Variants in DENND1B observed in about 807,000 individuals in gnomAD.
DENND1B encodes the protein DENN domain containing 1B, also known as DENN domain-containing protein 1B.
A neutral mutation model predicts 90.1 loss-of-function variants in DENND1B; 59 were observed. That is an observed-to-expected ratio of 0.65 (90% CI 0.53 to 0.81). The LOEUF (loss-of-function observed/expected upper bound fraction) is 0.81, where lower values mean the gene tolerates loss of function less well. Ranked by LOEUF, DENND1B falls within the 40% of genes least tolerant of loss-of-function variation. DENND1B has a pLI of 0.00. For synonymous variants in DENND1B, 337 were observed against 324.6 expected (o/e 1.04, Z -0.41); for missense variants, 862 against 912.6 (o/e 0.94, Z 0.71).
chr1:197,587,599 G>A (rs1292933728), intron 14 of DENND1B, among the ~76,000 whole-genome samples: 2 of 152,084 alleles, frequency 1.3e-5, no homozygotes, highest in East Asian at 3.9e-4. Flanking sequence ...GAACTCTGGA[G>A]GTCGGGGACT....
At chr1:197,556,706 CCTT>C (rs1303886486) in intron 15 of DENND1B, among the ~76,000 whole-genome samples, 5 of 151,920 alleles carry the variant, frequency 3.3e-5, no homozygotes, top group Non-Finnish European at 7.4e-5. Context: ...GACTATTTCT[CCTT>C]CTGTAAAATG....
At chr1:197,760,363 T>C (rs1467914365) in intron 2 of DENND1B, among the ~76,000 whole-genome samples, 3 of 152,084 alleles carry the variant, frequency 2.0e-5, no homozygotes, top group Non-Finnish European at 2.9e-5. Context: ...AATCAAAAAA[T>C]TACTGGCCAG....
At chr1:197,774,770 G>A (rs969193340) in intron 1 of DENND1B, among the ~76,000 whole-genome samples, 4 of 152,222 alleles carry the variant, frequency 2.6e-5, no homozygotes, top group African/African-American at 9.6e-5. Flanking sequence ...CACGCACACA[G>A]GCAGCCCCAG....
chr1:197,660,415 C>A (rs976718242), intron 5 of DENND1B, among the ~76,000 whole-genome samples: 2 of 151,860 alleles, frequency 1.3e-5, no homozygotes, highest in African/African-American at 4.8e-5. Flanking sequence ...TCAATCTCAA[C>A]TATCATATAG....
chr1:197,542,312 C>T (rs1670392202), intron 18 of DENND1B, among the ~76,000 whole-genome samples: 2 of 151,828 alleles, frequency 1.3e-5, no homozygotes, highest in Admixed American at 6.6e-5. Flanking sequence ...GCATGAAAAG[C>T]ATAGGAAAAA....
At chr1:197,547,014 T>C (rs1214165039) in intron 16 of DENND1B, among the ~76,000 whole-genome samples, 1 of 152,220 alleles carries the variant, frequency 6.6e-6, no homozygotes, top group Non-Finnish European at 1.5e-5. Context: ...TACCTAATCT[T>C]TCCCATCAAC....
chr1:197,757,719 GAAAGTTAT>G (rs1290702930), intron 2 of DENND1B, among the ~76,000 whole-genome samples: 2 of 152,094 alleles, frequency 1.3e-5, no homozygotes, highest in African/African-American at 4.8e-5. Flanking sequence ...ATTCACTCAA[GAAAGTTAT>G]ACAGGAATTC....
chr1:197,633,219 G>T (rs1428015778), intron 10 of DENND1B, among the ~76,000 whole-genome samples: 3 of 152,172 alleles, frequency 2.0e-5, no homozygotes, highest in African/African-American at 7.2e-5. Flanking sequence ...AATGATAGTT[G>T]TATGTTATTA....
At chr1:197,744,080 C>G (rs1663471947) in intron 2 of DENND1B, among the ~76,000 whole-genome samples, 1 of 152,238 alleles carries the variant, frequency 6.6e-6, no homozygotes, top group African/African-American at 2.4e-5. Flanking sequence ...TCCACCACAT[C>G]TGTGTTACTT....
chr1:197,580,850 G>A (rs1674170852), intron 15 of DENND1B, among the ~76,000 whole-genome samples: 1 of 152,084 alleles, frequency 6.6e-6, no homozygotes, highest in Non-Finnish European at 1.5e-5. Flanking sequence ...GTGAGCACTA[G>A]GCTTTGTCTC....
chr1:197,524,831 G>C (rs1286806223), intron 20 of DENND1B, among the ~76,000 whole-genome samples: 1 of 152,020 alleles, frequency 6.6e-6, no homozygotes, highest in African/African-American at 2.4e-5. Flanking sequence ...ATGCTAAGTT[G>C]GGGTCTGTTC....
chr1:197,664,751 G>A (rs558965208), intron 5 of DENND1B, among the ~76,000 whole-genome samples: 1 of 152,052 alleles, frequency 6.6e-6, no homozygotes, highest in Non-Finnish European at 1.5e-5. Flanking sequence ...CTGTTTTTCT[G>A]TCTGGAAAAT....
chr1:197,520,650 A>G (rs183605106), intron 20 of DENND1B, among the ~76,000 whole-genome samples: 112 of 152,034 alleles, frequency 7.4e-4, no homozygotes, highest in African/African-American at 2.6e-3. Flanking sequence ...CAAATTAGTA[A>G]CTCTCTTGAA....
chr1:197,735,734 T>G (rs760945009), intron 2 of DENND1B: 1 of 1,613,394 alleles, frequency 6.2e-7, no homozygotes, highest in East Asian at 2.2e-5. Context: ...AGTTTCTTAA[T>G]GCAAAATGCG....
intron 20 of DENND1B, among the ~76,000 whole-genome samples, chr1:197,529,951 G>A (rs1160246607): frequency 6.6e-6 from 1 of 152,090 alleles, no homozygotes; most frequent in Non-Finnish European, 1.5e-5. Context: ...CTGTTAGGCT[G>A]GGGCTGCTGT....
chr1:197,508,825 G>T lies in DENND1B; in HGVS notation c.*1635C>A, dbSNP rs1667847353. On this transcript the variant is annotated 3_prime_UTR_variant, in exon 23 of 23. Coordinates refer to ENST00000620048, the MANE Select transcript of DENND1B (RefSeq NM_001195215.2). ...TTCCCTGATTGTGCCTGGTAATCTA[G>T]TCTATCATGAAGTAATTAGTACATG... The T allele has an allele frequency of 6.6e-6, 1 of 151,650 alleles. No homozygotes were observed. Among genetic ancestry groups the T allele is most frequent in the African/African-American group, 2.4e-5 (1 of 41,354 alleles). The allele number at this position is 151,650 out of a possible 1,614,324, so 9.4% of individuals were successfully genotyped here.
intron 20 of DENND1B, among the ~76,000 whole-genome samples, chr1:197,529,708 A>G (rs1372982068): frequency 6.6e-6 from 1 of 152,204 alleles, no homozygotes. Flanking sequence ...AGAAAAGAAA[A>G]TGTTAGTAAA....
intron 3 of DENND1B, among the ~76,000 whole-genome samples, chr1:197,704,678 G>C (rs557296992): frequency 1.3e-5 from 2 of 152,010 alleles, no homozygotes; most frequent in Non-Finnish European, 2.9e-5. Context: ...CAGTGCCTAC[G>C]GGTACTAACA....
At chr1:197,554,286 T>C (rs1671512936) in intron 15 of DENND1B, among the ~76,000 whole-genome samples, 1 of 152,030 alleles carries the variant, frequency 6.6e-6, no homozygotes, top group African/African-American at 2.4e-5. Context: ...GGGGATAACA[T>C]AGGAAAGATT....
Sources: gnomAD v4.1 joint callset for allele counts (sites outside exome capture counted in the v4.1 genomes callset) on GRCh38, gnomAD v4.1.1 for gene constraint, MANE v1.5 for transcripts, NCBI Gene and HGNC (gene_info 2026-07-23, HGNC 2026-07-21) for gene names.